Variants in UBE2E2 observed in about 807,000 individuals in gnomAD.
UBE2E2 encodes the protein ubiquitin-conjugating enzyme E2 E2.
A neutral mutation model predicts 24.7 loss-of-function variants in UBE2E2; 6 were observed. The observed-to-expected ratio is 0.24, with a 90% CI of 0.13 to 0.48. The LOEUF (loss-of-function observed/expected upper bound fraction) is 0.48, where lower values mean the gene tolerates loss of function less well. Among genes scored for constraint, UBE2E2 ranks in the 20% least tolerant of loss-of-function variants. The probability of loss-of-function intolerance (pLI) is 0.99; values close to 1 mark genes in which losing one functional copy is unlikely to be tolerated. For synonymous variants in UBE2E2, 104 were observed against 83.6 expected (o/e 1.24, Z -1.33); for missense variants, 169 against 245.0 (o/e 0.69, Z 2.07).
intron 2 of UBE2E2, among the ~76,000 whole-genome samples, chr3:23,211,754 G>C: frequency 6.6e-6 from 1 of 152,102 alleles, no homozygotes; most frequent in East Asian, 1.9e-4. Context: ...TTTCGTAGAA[G>C]GAAGATGATA....
chr3:23,513,144 C>T (rs1364864268), intron 4 of UBE2E2, among the ~76,000 whole-genome samples: 1 of 152,092 alleles, frequency 6.6e-6, no homozygotes, highest in Non-Finnish European at 1.5e-5. Flanking sequence ...TTATTTTCTT[C>T]ATTTCTTTTT....
intron 3 of UBE2E2, among the ~76,000 whole-genome samples, chr3:23,450,859 C>T (rs1449458827): frequency 1.3e-5 from 2 of 152,098 alleles, no homozygotes; most frequent in Non-Finnish European, 2.9e-5. Flanking sequence ...AAATTTAGCA[C>T]TTACTAATTA....
rs560635162 is a variant in UBE2E2, at chr3:23,344,858, A to G, written c.227+127546A>G. 5.3e-5 allele frequency among the ~76,000 whole-genome samples: 8 copies of G among 152,134 alleles called. No individual in the cohort carries two copies. In the East Asian group the frequency reaches 9.7e-4, roughly 18 times the overall value. ...AAATTAAATGTTGTATACTTAGCACATAAGTGATCATTAAATGTTTGATGA... is the reference window on the plus strand; with the variant it reads ...AAATTAAATGTTGTATACTTAGCACGTAAGTGATCATTAAATGTTTGATGA... On this transcript the variant is annotated intron_variant, in intron 3 of 5. Transcript: ENST00000396703.
At chr3:23,500,366 A>G (rs1054093739) in intron 4 of UBE2E2, among the ~76,000 whole-genome samples, 9 of 152,238 alleles carry the variant, frequency 5.9e-5, no homozygotes, top group Non-Finnish European at 1.0e-4. Context: ...GGAAGAGTGC[A>G]GTGAAATCAG....
At chr3:23,389,405 G>A (rs938825230) in intron 3 of UBE2E2, among the ~76,000 whole-genome samples, 1 of 152,184 alleles carries the variant, frequency 6.6e-6, no homozygotes, top group Non-Finnish European at 1.5e-5. Flanking sequence ...GGAGTTGACT[G>A]CTAGAGAGGC....
chr3:23,488,236 G>A (rs1234726673), intron 3 of UBE2E2, among the ~76,000 whole-genome samples: 1 of 150,540 alleles, frequency 6.6e-6, no homozygotes, highest in East Asian at 1.9e-4. Flanking sequence ...TTAAGTTCTG[G>A]GATACGTGTG....
At chr3:23,274,860 T>G (rs112774620) in intron 3 of UBE2E2, among the ~76,000 whole-genome samples, 2 of 152,302 alleles carry the variant, frequency 1.3e-5, no homozygotes, top group African/African-American at 2.4e-5. Flanking sequence ...CCCTTTTTTT[T>G]GAAGAGTTTT....
intron 3 of UBE2E2, among the ~76,000 whole-genome samples, chr3:23,354,088 C>G (rs530756169): frequency 6.6e-6 from 1 of 152,260 alleles, no homozygotes; most frequent in South Asian, 2.1e-4. Context: ...CGCCACATAT[C>G]TACAACTATC....
chr3:23,384,137 A>C (rs1202825865), intron 3 of UBE2E2, among the ~76,000 whole-genome samples: 1 of 152,064 alleles, frequency 6.6e-6, no homozygotes, highest in Non-Finnish European at 1.5e-5. Flanking sequence ...TTAGAACTAC[A>C]GGCATGCACC....
intron 5 of UBE2E2, among the ~76,000 whole-genome samples, chr3:23,548,261 TATTTTTCTTACTCCTTTTACAC>T (rs1316524599): frequency 2.0e-5 from 3 of 152,236 alleles, no homozygotes; most frequent in Non-Finnish European, 2.9e-5. Flanking sequence ...GCTGTTTCAT[TATTTTTCTTACTCCTTTTACAC>T]ATTTTTCTTA....
intron 3 of UBE2E2, among the ~76,000 whole-genome samples, chr3:23,332,635 AAC>A (rs1355960827): frequency 6.7e-6 from 1 of 149,454 alleles, no homozygotes; most frequent in African/African-American, 2.5e-5. Flanking sequence ...GGTGCATTTG[AAC>A]ACAAATTTTA....
chr3:23,311,621 A>G (rs536492782), intron 3 of UBE2E2, among the ~76,000 whole-genome samples: 1 of 152,350 alleles, frequency 6.6e-6, no homozygotes, highest in East Asian at 1.9e-4. Context: ...TCTGGGAAAA[A>G]AAATGGATTG....
intron 3 of UBE2E2, among the ~76,000 whole-genome samples, chr3:23,471,913 TC>T (rs1699038583): frequency 6.7e-6 from 1 of 149,620 alleles, no homozygotes; most frequent in Non-Finnish European, 1.5e-5. Flanking sequence ...GGCTGGACTG[TC>T]CCTTTCACAG....
At position 23,503,528 on chromosome 3, in the gene UBE2E2, A is replaced by T. The variant is rs375319412; in HGVS notation, c.360+3788A>T. 7.9e-5 allele frequency among the ~76,000 whole-genome samples: 12 copies of T among 152,050 alleles called. No individual in the cohort carries two copies. The East Asian group carries it at 9.7e-4, about 12-fold the overall frequency. On this transcript the variant is annotated intron_variant, in intron 4 of 5. Transcript: ENST00000396703. ...CATTTTGCTGGGGATTAGCTTTTAGATTCATAGATAATTAGTTTTTAAATT... is the reference window on the plus strand; with the variant it reads ...CATTTTGCTGGGGATTAGCTTTTAGTTTCATAGATAATTAGTTTTTAAATT...
intron 3 of UBE2E2, among the ~76,000 whole-genome samples, chr3:23,230,347 AC>A (rs1216756425): frequency 6.6e-6 from 1 of 152,220 alleles, no homozygotes; most frequent in Non-Finnish European, 1.5e-5. Context: ...TAAAAGCAAA[AC>A]CAGGACTAGT....
At chr3:23,532,755 G>C in intron 5 of UBE2E2, 54 bp downstream of exon 5, 1 of 1,434,848 alleles carries the variant, frequency 7.0e-7, no homozygotes, top group Non-Finnish European at 9.3e-7. Flanking sequence ...TTAAATGTCA[G>C]ACCCTTAGTA....
chr3:23,319,080 A>T (rs1373480744), intron 3 of UBE2E2, among the ~76,000 whole-genome samples: 1 of 152,202 alleles, frequency 6.6e-6, no homozygotes, highest in Non-Finnish European at 1.5e-5. Context: ...CTTTTACTTT[A>T]TAGGCAGTAA....
At chr3:23,492,550 A>G (rs1358721517) in intron 3 of UBE2E2, among the ~76,000 whole-genome samples, 1 of 152,210 alleles carries the variant, frequency 6.6e-6, no homozygotes, top group African/African-American at 2.4e-5. Context: ...GATTTTTTAA[A>G]CACACAGTTT....
rs566109779 is a variant in UBE2E2 at position 23,287,585 on chromosome 3, A to T, written c.227+70273A>T. On this transcript the variant is annotated intron_variant, in intron 3 of 5. Transcript: ENST00000396703. ...TTTGCTAGGAGACTTTTTATTATGGATTTGATGTCATTACTTGTTACTGGT... is the reference window on the plus strand; with the variant it reads ...TTTGCTAGGAGACTTTTTATTATGGTTTTGATGTCATTACTTGTTACTGGT... Among the ~76,000 whole-genome samples, 11 of 151,974 alleles carry T rather than the reference A, an allele frequency of 7.2e-5. No individual in the cohort carries two copies. In the East Asian group the frequency reaches 1.9e-3, roughly 27 times the overall value.
Sources: allele counts gnomAD v4.1 joint callset (sites outside exome capture counted in the v4.1 genomes callset), GRCh38; gene constraint gnomAD v4.1.1; transcripts MANE v1.5; gene names NCBI Gene and HGNC (gene_info 2026-07-23, HGNC 2026-07-21).